The following GALK2 variants were observed in gnomAD, a reference collection of about 807,000 sequenced individuals.
GALK2 encodes galactokinase 2, also known as N-acetylgalactosamine kinase.
GALK2 carries 36 observed loss-of-function variants against 52.4 expected under a neutral mutation model. That is an observed-to-expected ratio of 0.69 (90% CI 0.53 to 0.91). The LOEUF is 0.91. GALK2 is among the 40% of genes least tolerant of loss of function. GALK2 has a pLI of 0.00. For synonymous variants in GALK2, 176 were observed against 199.1 expected (o/e 0.88, Z 0.98); for missense variants, 579 against 559.1 (o/e 1.04, Z -0.36).
chr15:49,171,293 G>A (rs1448330130), intron 1 of GALK2, among the ~76,000 whole-genome samples: 1 of 152,010 alleles, frequency 6.6e-6, no homozygotes, highest in Non-Finnish European at 1.5e-5. Flanking sequence ...TGTTGGTCAG[G>A]CTGGTCTCGA....
intron 7 of GALK2, among the ~76,000 whole-genome samples, chr15:49,285,460 C>T (rs995748227): frequency 2.6e-5 from 4 of 152,166 alleles, no homozygotes; most frequent in Non-Finnish European, 4.4e-5. Flanking sequence ...TGGCCTTGGT[C>T]GTCTTCTTCT....
At chr15:49,210,959 A>ACACACACACACACT (rs1002671462) in intron 2 of GALK2, among the ~76,000 whole-genome samples, 11 of 107,982 alleles carry the variant, frequency 1.0e-4, no homozygotes, top group Middle Eastern at 4.5e-3. Context: ...GTTGGCTGTC[A>ACACACACACACACT]CACACACACA....
chr15:49,224,125 G>T (rs2089989842), intron 3 of GALK2, among the ~76,000 whole-genome samples: 2 of 151,874 alleles, frequency 1.3e-5, no homozygotes, highest in African/African-American at 4.8e-5. Flanking sequence ...GTTTTGATTT[G>T]CATTTGTATG....
At chr15:49,184,024 A>C (rs1487858257) in intron 1 of GALK2, among the ~76,000 whole-genome samples, 1 of 151,880 alleles carries the variant, frequency 6.6e-6, no homozygotes, top group Non-Finnish European at 1.5e-5. Flanking sequence ...TTCTTTGTTG[A>C]TTTTCTGTCT....
intron 3 of GALK2, among the ~76,000 whole-genome samples, chr15:49,225,850 C>T (rs2090102453): frequency 6.6e-6 from 1 of 152,252 alleles, no homozygotes; most frequent in Non-Finnish European, 1.5e-5. Flanking sequence ...GGGATTCCAA[C>T]TGCTTCCAGA....
At position 49,328,147 on chromosome 15, in the gene GALK2, G is replaced by C. The variant is rs1428646202; in HGVS notation, c.1365G>C (p.Leu455Phe). 6.2e-7 allele frequency: 1 copy of C among 1,613,590 alleles called. No individual in the cohort carries two copies. The highest frequency in any genetic ancestry group is 1.1e-5 in the South Asian group (1 of 91,022). The stretch of plus-strand genomic sequence containing the variant: ...AACCTGGAGGTGGGGCTTTGGTTTT[G>C]CTTGAGGCCTGAAAAAATGTAAAAA... ...ATKPGGGALV[L>F]LEA The change falls in exon 10 of 10, where the codon TTG (leucine) becomes TTC (phenylalanine). Residue 455 changes from leucine (L) to phenylalanine (F), a missense_variant. Transcript: ENST00000560031.
rs764098737 is a variant in GALK2 at position 49,319,585 on chromosome 15, C to A, written c.968-19C>A. On this transcript the variant is annotated intron_variant, in intron 8 of 9. Coordinates refer to ENST00000560031, the MANE Select transcript of GALK2 (RefSeq NM_002044.4). ...AGTAACTATTCCTAACCTCCTTCCC[C>A]ATCCTCTTCCTTCCTCAGTGCTCAT... 1.2e-6 allele frequency: 2 copies of A among 1,611,418 alleles called. No individual in the cohort carries two copies. The highest frequency in any genetic ancestry group is 2.7e-5 in the African/African-American group (2 of 74,878).
intron 3 of GALK2, among the ~76,000 whole-genome samples, chr15:49,361,951 GA>G (rs2044318482): frequency 6.6e-6 from 1 of 152,156 alleles, no homozygotes; most frequent in Admixed American, 6.5e-5. Context: ...ACTGGTCTGA[GA>G]TGGTATCTCA....
intron 1 of GALK2, among the ~76,000 whole-genome samples, chr15:49,190,128 A>G (rs77757375): frequency 0.066 from 10,063 of 152,270 alleles, 701 homozygotes; most frequent in African/African-American, 0.17. Context: ...GAAATGGACC[A>G]AAAGATTATC....
intron 2 of GALK2, among the ~76,000 whole-genome samples, chr15:49,209,237 T>C (rs7169443): frequency 0.59 from 89,419 of 151,992 alleles, 26,455 homozygotes; most frequent in Middle Eastern, 0.67. Flanking sequence ...TTTTTATGGT[T>C]TTTAGGTTTT....
At chr15:49,265,349 C>T (rs1322244564) in intron 5 of GALK2, among the ~76,000 whole-genome samples, 1 of 152,224 alleles carries the variant, frequency 6.6e-6, no homozygotes, top group African/African-American at 2.4e-5. Flanking sequence ...ATCAGCGAGG[C>T]TCCGTGGGCA....
At chr15:49,307,328 G>A (rs2035627745) in intron 8 of GALK2, among the ~76,000 whole-genome samples, 1 of 152,272 alleles carries the variant, frequency 6.6e-6, no homozygotes, top group Non-Finnish European at 1.5e-5. Flanking sequence ...TTGAAATACG[G>A]GGGCTTTCAT....
At chr15:49,272,981 C>T (rs1242771925) in intron 5 of GALK2, among the ~76,000 whole-genome samples, 3 of 152,194 alleles carry the variant, frequency 2.0e-5, no homozygotes, top group Non-Finnish European at 4.4e-5. Flanking sequence ...CTTCTGCCCT[C>T]ACTGAGCACC....
At chr15:49,367,297 CA>C in intron 3 of GALK2, 1 of 641,814 alleles carries the variant, frequency 1.6e-6, no homozygotes, top group South Asian at 4.2e-5. Context: ...AACATACTAC[CA>C]AAGTTTTAAG....
chr15:49,262,189 A>G (rs1428230314), intron 5 of GALK2, among the ~76,000 whole-genome samples: 2 of 151,948 alleles, frequency 1.3e-5, no homozygotes, highest in East Asian at 3.9e-4. Context: ...CTGTGAATCC[A>G]TCTGGTCCTG....
chr15:49,233,368 C>G (rs1186145312), intron 3 of GALK2, among the ~76,000 whole-genome samples: 1 of 152,210 alleles, frequency 6.6e-6, no homozygotes, highest in Non-Finnish European at 1.5e-5. Flanking sequence ...CACCTCCCAC[C>G]AGGTCCCACC....
intron 5 of GALK2, among the ~76,000 whole-genome samples, 160 bp from the exon 6 acceptor site, chr15:49,281,827 A>T (rs1175292356): frequency 6.6e-6 from 1 of 152,238 alleles, no homozygotes; most frequent in Admixed American, 6.5e-5. Context: ...ATATTTTCCT[A>T]TAGTCTGGAG....
intron 3 of GALK2, among the ~76,000 whole-genome samples, chr15:49,344,980 T>C (rs1159977682): frequency 6.6e-6 from 1 of 152,222 alleles, no homozygotes; most frequent in African/African-American, 2.4e-5. Flanking sequence ...AAAGTATAAA[T>C]GGTGTTGAGC....
intron 1 of GALK2, among the ~76,000 whole-genome samples, chr15:49,162,534 T>A (rs1461443261): frequency 6.6e-6 from 1 of 152,252 alleles, no homozygotes. Context: ...ACCCATTATC[T>A]ATTTCCTTGA....
Sources: allele counts gnomAD v4.1 joint callset (sites outside exome capture counted in the v4.1 genomes callset), GRCh38; gene constraint gnomAD v4.1.1; transcripts MANE v1.5; gene names NCBI Gene and HGNC (gene_info 2026-07-23, HGNC 2026-07-21).